The following NREP variants were observed in gnomAD, a reference collection of about 807,000 sequenced individuals.
NREP encodes the protein neuronal regeneration related protein, also known as neuronal regeneration-related protein.
A neutral mutation model predicts 8.6 loss-of-function variants in NREP; 5 were observed. The observed-to-expected ratio is 0.58, with a 90% CI of 0.30 to 1.22. NREP has a LOEUF of 1.22. Ranked by LOEUF, NREP falls within the 50% of genes most tolerant of loss-of-function variation. The probability of loss-of-function intolerance (pLI) is 0.07; values close to 1 mark genes in which losing one functional copy is unlikely to be tolerated. For synonymous variants in NREP, 27 were observed against 28.0 expected, an observed-to-expected ratio of 0.96 and a Z score of 0.11; for missense variants, 86 against 82.5, an observed-to-expected ratio of 1.04 and a Z score of -0.17.
chr5:111,763,180 C>T (rs529279), intron 2 of NREP, among the ~76,000 whole-genome samples: 62,429 of 152,058 alleles, frequency 0.41, 13,246 homozygotes, highest in Non-Finnish European at 0.47. Flanking sequence ...CAAGAGTATG[C>T]TCAGTGTCTT....
intron 2 of NREP, among the ~76,000 whole-genome samples, chr5:111,889,965 T>A (rs1031500963): frequency 3.9e-5 from 6 of 152,104 alleles, no homozygotes; most frequent in Admixed American, 3.9e-4. Flanking sequence ...ATTGATCAGT[T>A]AGGGTGGGAC....
intron 2 of NREP, among the ~76,000 whole-genome samples, chr5:111,946,224 T>C (rs1006660589): frequency 1.3e-5 from 2 of 150,224 alleles, no homozygotes; most frequent in Non-Finnish European, 3.0e-5. Flanking sequence ...TTTGCTTTAG[T>C]TTCTTTCTAA....
intron 3 of NREP, chr5:111,732,940 T>C (rs1315418899): frequency 6.6e-6 from 1 of 152,206 alleles, no homozygotes; most frequent in Non-Finnish European, 1.5e-5. Context: ...CAAAAGTGAA[T>C]ATACAGAACG....
chr5:111,969,497 G>T (rs1406516326), intron 2 of NREP: 1 of 152,136 alleles, frequency 6.6e-6, no homozygotes, highest in Non-Finnish European at 1.5e-5. Context: ...GAAGATAAAC[G>T]TTCCCCCATC....
chr5:111,748,330 C>T (rs1328258393), intron 2 of NREP, among the ~76,000 whole-genome samples: 1 of 152,130 alleles, frequency 6.6e-6, no homozygotes, highest in Non-Finnish European at 1.5e-5. Context: ...AGTGCCTGTT[C>T]ATTTCATTTC....
intron 2 of NREP, among the ~76,000 whole-genome samples, chr5:111,872,360 G>A (rs1169674889): frequency 6.6e-6 from 1 of 152,134 alleles, no homozygotes; most frequent in East Asian, 1.9e-4. Context: ...CCACATTGTG[G>A]AGGGCAACCT....
At position 111,886,713 on chromosome 5, in the gene NREP, A is replaced by G. The variant is rs529151987; in HGVS notation, c.135+88561T>C. 1.1e-3 allele frequency among the ~76,000 whole-genome samples: 162 copies of G among 151,436 alleles called. 1 individual carries two copies. Among genetic ancestry groups the G allele is most frequent in the African/African-American group, 3.7e-3 (154 of 41,216 alleles). ...TGGAAATCATCATTCTCAGTAAACT[A>G]TCGCAAGAACAAAAAACCAAACACC... On this transcript the variant is annotated intron_variant, in intron 2 of 3. Transcript: ENST00000395634.
intron 2 of NREP, among the ~76,000 whole-genome samples, chr5:111,749,665 T>C (rs996381020): frequency 1.3e-5 from 2 of 152,098 alleles, no homozygotes; most frequent in Non-Finnish European, 2.9e-5. Flanking sequence ...TGCAACTGAT[T>C]AGCACATGCC....
chr5:111,820,493 G>A (rs1752491904), intron 2 of NREP, among the ~76,000 whole-genome samples: 1 of 151,894 alleles, frequency 6.6e-6, no homozygotes, highest in African/African-American at 2.4e-5. Flanking sequence ...GTGTGGGAAT[G>A]ATAAGCACCA....
chr5:111,976,795 T>A lies in NREP; in HGVS notation c.-56A>T, dbSNP rs867099216. 140 of 1,506,752 alleles carry A rather than the reference T, an allele frequency of 9.3e-5. 1 individual carries two copies. Among genetic ancestry groups the A allele is most frequent in the Middle Eastern group, 8.5e-4 (5 of 5,876 alleles). 93.3% of individuals were successfully genotyped at this position (1,506,752 alleles called of 1,614,324 possible). On this transcript the variant is annotated 5_prime_UTR_variant, in exon 1 of 4. Transcript: ENST00000395634. ...TCAGTCTTTAAAGGACAAAGAAGCT[T>A]CTTGCCGGGAGTTGGCCAGACAGCT...
At chr5:111,956,693 G>A (rs1057404087) in intron 2 of NREP, among the ~76,000 whole-genome samples, 1 of 152,140 alleles carries the variant, frequency 6.6e-6, no homozygotes, top group African/African-American at 2.4e-5. Context: ...GCTGAGCGTG[G>A]TGGTTCATGC....
chr5:111,963,527 ACTT>A (rs1756540211), intron 2 of NREP, among the ~76,000 whole-genome samples: 3 of 152,170 alleles, frequency 2.0e-5, no homozygotes. Flanking sequence ...ATGAGACTAA[ACTT>A]CTCCCTGAAA....
At chr5:111,873,230 T>G (rs776832567) in intron 2 of NREP, among the ~76,000 whole-genome samples, 1 of 152,116 alleles carries the variant, frequency 6.6e-6, no homozygotes, top group Admixed American at 6.6e-5. Flanking sequence ...TGAGGAGAGA[T>G]AAATGGGAGT....
At chr5:111,911,068 C>T (rs1193898352) in intron 2 of NREP, among the ~76,000 whole-genome samples, 1 of 152,022 alleles carries the variant, frequency 6.6e-6, no homozygotes, top group African/African-American at 2.4e-5. Context: ...CTGGCTATCA[C>T]CCTGTACCCA....
intron 2 of NREP, among the ~76,000 whole-genome samples, chr5:111,910,358 A>G (rs1166987031): frequency 7.2e-5 from 11 of 151,906 alleles, no homozygotes; most frequent in Admixed American, 5.9e-4. Flanking sequence ...TTTTTTTTCC[A>G]TAATAAGAGT....
At chr5:111,858,608 C>T (rs1753476500) in intron 2 of NREP, among the ~76,000 whole-genome samples, 2 of 152,160 alleles carry the variant, frequency 1.3e-5, no homozygotes, top group Non-Finnish European at 2.9e-5. Context: ...CATGAGAACA[C>T]CACTGCACTC....
intron 2 of NREP, among the ~76,000 whole-genome samples, chr5:111,910,953 G>A (rs865961704): frequency 5.3e-5 from 8 of 152,006 alleles, no homozygotes; most frequent in African/African-American, 1.4e-4. Flanking sequence ...GCATCACCTG[G>A]CAGAAGGCTC....
At chr5:111,860,534 T>C (rs150252375) in intron 2 of NREP, among the ~76,000 whole-genome samples, 1 of 152,246 alleles carries the variant, frequency 6.6e-6, no homozygotes, top group East Asian at 1.9e-4. Context: ...CTGCAGAAAT[T>C]GCCTAGCTGG....
At chr5:111,895,806 C>A (rs952789164) in intron 2 of NREP, among the ~76,000 whole-genome samples, 1 of 152,124 alleles carries the variant, frequency 6.6e-6, no homozygotes, top group Admixed American at 6.5e-5. Context: ...ACCAAATTTA[C>A]TCTGGGACAT....
Sources: gnomAD v4.1 joint callset for allele counts (sites outside exome capture counted in the v4.1 genomes callset) on GRCh38, gnomAD v4.1.1 for gene constraint, MANE v1.5 for transcripts, NCBI Gene and HGNC (gene_info 2026-07-23, HGNC 2026-07-21) for gene names.